Variants in MCTP1 observed in about 807,000 individuals in gnomAD.
The protein encoded by MCTP1 is multiple C2 and transmembrane domain containing 1, also known as multiple C2 and transmembrane domain-containing protein 1.
Under a neutral mutation model 120.6 loss-of-function variants are expected in MCTP1, and 69 were observed. The ratio of observed to expected loss-of-function variants is 0.57; its 90% confidence interval spans 0.47 to 0.70. The LOEUF (loss-of-function observed/expected upper bound fraction) is 0.70. Among genes scored for constraint, MCTP1 ranks in the 30% least tolerant of loss-of-function variants. The probability of loss-of-function intolerance (pLI) is 0.00; values close to 1 mark genes in which losing one functional copy is unlikely to be tolerated. For missense variants in MCTP1, 1,203 were observed against 1,248.8 expected (o/e 0.96, Z 0.55); for synonymous variants, 529 against 493.1 (o/e 1.07, Z -0.96).
intron 19 of MCTP1, among the ~76,000 whole-genome samples, chr5:94,727,305 G>C (rs945248803): frequency 6.6e-6 from 1 of 152,128 alleles, no homozygotes; most frequent in African/African-American, 2.4e-5. Flanking sequence ...AAATAATCTG[G>C]GATAGGGAAA....
At chr5:94,826,140 T>C in intron 17 of MCTP1, 1 of 359,926 alleles carries the variant, frequency 2.8e-6, no homozygotes, top group Non-Finnish European at 5.4e-6. Flanking sequence ...AGATCCTCCA[T>C]GCAGATGATG....
chr5:94,916,978 T>C (rs1810239332), intron 8 of MCTP1, among the ~76,000 whole-genome samples: 1 of 152,224 alleles, frequency 6.6e-6, no homozygotes, highest in African/African-American at 2.4e-5. Flanking sequence ...ATTTATGCTA[T>C]TTAAAGTCCT....
intron 10 of MCTP1, among the ~76,000 whole-genome samples, chr5:94,905,921 A>T (rs1404593407): frequency 6.6e-6 from 1 of 152,154 alleles, no homozygotes; most frequent in Non-Finnish European, 1.5e-5. Flanking sequence ...ACATGAGGGG[A>T]TGAGGAAAAA....
chr5:95,277,921 A>G (rs954066607), intron 1 of MCTP1, among the ~76,000 whole-genome samples: 1 of 152,164 alleles, frequency 6.6e-6, no homozygotes, highest in Non-Finnish European at 1.5e-5. Context: ...AAATCTCATT[A>G]TATTACAAAT....
intron 12 of MCTP1, among the ~76,000 whole-genome samples, chr5:94,878,594 A>C (rs1799414887): frequency 6.6e-6 from 1 of 152,130 alleles, no homozygotes; most frequent in Non-Finnish European, 1.5e-5. Context: ...AAATTTTAAT[A>C]TAATACCAGA....
intron 3 of MCTP1, 46 bp downstream of exon 3, chr5:94,953,173 A>T (rs1291877600): frequency 1.3e-6 from 2 of 1,533,258 alleles, no homozygotes; most frequent in Admixed American, 4.0e-5. Flanking sequence ...GTAAACAGGG[A>T]TTTCCACATC....
intron 1 of MCTP1, among the ~76,000 whole-genome samples, chr5:95,220,889 T>C (rs1022332780): frequency 6.6e-6 from 1 of 152,180 alleles, no homozygotes; most frequent in Admixed American, 6.5e-5. Context: ...CCCTTAATGA[T>C]TTAGAAAAGG....
At chr5:94,753,830 C>T (rs1769095785) in intron 19 of MCTP1, among the ~76,000 whole-genome samples, 2 of 152,158 alleles carry the variant, frequency 1.3e-5, no homozygotes, top group African/African-American at 4.8e-5. Context: ...GTAGACTATG[C>T]CTCTTCTGTG....
chr5:95,022,138 A>G lies in MCTP1; in HGVS notation c.721-4654T>C, dbSNP rs537365803. Among the ~76,000 whole-genome samples the G allele has an allele frequency of 2.0e-5, 3 of 152,292 alleles. No homozygotes were observed. In the East Asian group the frequency reaches 5.8e-4, roughly 29 times the overall value. On this transcript the variant is annotated intron_variant, in intron 1 of 22. Coordinates refer to ENST00000515393, the MANE Select transcript of MCTP1 (RefSeq NM_024717.7). ...CATCTATCATATGTCAGCATACTTGAGTATACCCGTACTTCTTAGGAAGGC... is the reference window on the plus strand; with the variant it reads ...CATCTATCATATGTCAGCATACTTGGGTATACCCGTACTTCTTAGGAAGGC...
At position 94,911,424 on chromosome 5, in the gene MCTP1, A is replaced by C. The variant is rs374505109; in HGVS notation, c.1521+1382T>G. Among the ~76,000 whole-genome samples, 35 of 152,302 alleles carry C rather than the reference A, an allele frequency of 2.3e-4. No homozygotes were observed. The South Asian group carries it at 6.9e-3, about 30-fold the overall frequency. ...GAGGGGCCTAGTGGGAGATGATTGA[A>C]TCATGGGGGCGGACATCCCCCTTGC... On this transcript the variant is annotated intron_variant, in intron 9 of 22. Transcript: ENST00000515393.
chr5:95,083,947 G>A (rs1755233603), intron 1 of MCTP1, among the ~76,000 whole-genome samples: 1 of 152,144 alleles, frequency 6.6e-6, no homozygotes, highest in South Asian at 2.1e-4. Flanking sequence ...TAGATGCACT[G>A]AGATGCATAG....
intron 1 of MCTP1, among the ~76,000 whole-genome samples, chr5:95,057,833 G>A (rs1007149494): frequency 6.6e-6 from 1 of 152,128 alleles, no homozygotes; most frequent in East Asian, 1.9e-4. Context: ...TCCGCAAAAT[G>A]TCAAACCGGA....
intron 17 of MCTP1, among the ~76,000 whole-genome samples, chr5:94,812,772 C>G (rs1422941239): frequency 9.8e-6 from 1 of 101,990 alleles, no homozygotes; most frequent in African/African-American, 2.7e-5. Context: ...GACCTTGCCT[C>G]TTAAAAAAAA....
intron 17 of MCTP1, among the ~76,000 whole-genome samples, chr5:94,823,484 T>C (rs1786167629): frequency 6.6e-6 from 1 of 152,258 alleles, no homozygotes; most frequent in African/African-American, 2.4e-5. Context: ...GCATTATGCA[T>C]CCGGCTTTGT....
At chr5:95,113,172 A>T (rs953373421) in intron 1 of MCTP1, among the ~76,000 whole-genome samples, 4 of 152,154 alleles carry the variant, frequency 2.6e-5, no homozygotes, top group African/African-American at 9.7e-5. Context: ...TGAAAAAAAC[A>T]TTAAAGCAGC....
At chr5:95,100,030 A>G (rs1756602313) in intron 1 of MCTP1, among the ~76,000 whole-genome samples, 1 of 151,302 alleles carries the variant, frequency 6.6e-6, no homozygotes. Context: ...AGAACAAAAA[A>G]CCAAACACCG....
At chr5:95,217,625 G>A (rs958355487) in intron 1 of MCTP1, among the ~76,000 whole-genome samples, 6 of 152,202 alleles carry the variant, frequency 3.9e-5, no homozygotes, top group African/African-American at 1.4e-4. Flanking sequence ...GGCATTAAAT[G>A]AGGAGTTCAC....
intron 1 of MCTP1, among the ~76,000 whole-genome samples, chr5:95,103,247 G>T (rs1049739967): frequency 2.0e-5 from 3 of 151,878 alleles, no homozygotes; most frequent in Non-Finnish European, 4.4e-5. Context: ...AAATATATAC[G>T]TAAGCTTTGG....
At chr5:95,013,523 C>T (rs1015924443) in intron 2 of MCTP1, among the ~76,000 whole-genome samples, 5 of 152,092 alleles carry the variant, frequency 3.3e-5, no homozygotes, top group African/African-American at 4.8e-5. Flanking sequence ...GATGCCAATG[C>T]TCATTTACCA....
Sources: gnomAD v4.1 joint callset for allele counts (sites outside exome capture counted in the v4.1 genomes callset) on GRCh38, gnomAD v4.1.1 for gene constraint, MANE v1.5 for transcripts, NCBI Gene and HGNC (gene_info 2026-07-23, HGNC 2026-07-21) for gene names.